IL4R: variants seen among roughly 807,000 people sequenced by gnomAD.
IL4R encodes the protein interleukin 4 receptor, also known as interleukin-4 receptor subunit alpha.
Under a neutral mutation model 41.5 loss-of-function variants are expected in IL4R, and 17 were observed. That is an observed-to-expected ratio of 0.41 (90% CI 0.28 to 0.61). The LOEUF is 0.61. Among genes scored for constraint, IL4R ranks in the 20% least tolerant of loss-of-function variants. IL4R has a pLI of 0.31. For missense variants in IL4R, 974 were observed against 1,043.1 expected (o/e 0.93, Z 0.91); for synonymous variants, 402 against 422.9 (o/e 0.95, Z 0.61).
chr16:27,323,243 G>A (rs1043807949), intron 1 of IL4R, among the ~76,000 whole-genome samples: 1 of 152,204 alleles, frequency 6.6e-6, no homozygotes, highest in Non-Finnish European at 1.5e-5. Context: ...GCTGAGGGCC[G>A]AGCAAATGGT....
At chr16:27,342,404 C>T (rs2085472581) in intron 4 of IL4R, 145 bp downstream of exon 4, 1 of 943,916 alleles carries the variant, frequency 1.1e-6, no homozygotes. Context: ...GGGGAGGTCC[C>T]ATCTCCAGGG....
chr16:27,346,815 C>G (rs994010125), intron 6 of IL4R, among the ~76,000 whole-genome samples, 197 bp downstream of exon 6: 1 of 152,218 alleles, frequency 6.6e-6, no homozygotes, highest in Non-Finnish European at 1.5e-5. Flanking sequence ...CCCCACCCCT[C>G]ACATCAGAGA....
At chr16:27,326,628 T>A (rs1176950851) in intron 1 of IL4R, among the ~76,000 whole-genome samples, 1 of 152,152 alleles carries the variant, frequency 6.6e-6, no homozygotes, top group Admixed American at 6.6e-5. Context: ...ACGGTGCGAC[T>A]GCATTCTAGC....
intron 7 of IL4R, among the ~76,000 whole-genome samples, chr16:27,353,343 G>GAAATA (rs3024618): frequency 0.081 from 12,273 of 151,964 alleles, 562 homozygotes; most frequent in Middle Eastern, 0.11. Context: ...TAAATACAAT[G>GAAATA]AAATAAAATA....
At chr16:27,360,630 C>T (rs1174529269) in intron 9 of IL4R, 136 bp from the exon 10 acceptor site, 1 of 1,053,974 alleles carries the variant, frequency 9.5e-7, no homozygotes. Flanking sequence ...GAATCTGAAG[C>T]TCAGAAAGCG....
At chr16:27,348,446 C>G (rs1038953189) in intron 6 of IL4R, among the ~76,000 whole-genome samples, 1 of 152,188 alleles carries the variant, frequency 6.6e-6, no homozygotes, top group Non-Finnish European at 1.5e-5. Flanking sequence ...ATTTCTAGAT[C>G]TGCCTTCAGG....
At chr16:27,332,866 T>G (rs1461399391) in intron 2 of IL4R, among the ~76,000 whole-genome samples, 6 of 152,090 alleles carry the variant, frequency 3.9e-5, no homozygotes, top group African/African-American at 1.4e-4. Context: ...AGGCTATATT[T>G]TCATTTTTAT....
At chr16:27,344,568 G>A (rs1019159083) in intron 4 of IL4R, among the ~76,000 whole-genome samples, 1 of 152,174 alleles carries the variant, frequency 6.6e-6, no homozygotes, top group Non-Finnish European at 1.5e-5. Context: ...TAGTGCCACC[G>A]GTTCTTCCCT....
chr16:27,347,069 A>C (rs2085673510), intron 6 of IL4R, among the ~76,000 whole-genome samples: 1 of 152,210 alleles, frequency 6.6e-6, no homozygotes, highest in South Asian at 2.1e-4. Flanking sequence ...AATTCCTCTT[A>C]ATGAAGAGAG....
rs145421275 is a variant in IL4R at position 27,363,027 on chromosome 16, C to G, written c.1675C>G (p.Leu559Val). 8.7e-6 allele frequency: 14 copies of G among 1,614,062 alleles called. No homozygotes were observed. The highest frequency in any genetic ancestry group is 8.0e-5 in the African/African-American group (6 of 74,952). The change falls in exon 11 of 11, where the codon CTC (leucine) becomes GTC (valine). Residue 559 changes from leucine to valine, a missense_variant. Physicochemically the swap from Leu to Val is conservative, Grantham distance 32. This residue lies in a region of IL4R where 682 missense variants were observed against 704.3 expected (regional missense o/e 0.97). Coordinates refer to ENST00000395762, the MANE Select transcript of IL4R (RefSeq NM_000418.4). ...GGAGCAGATCCTCCGCCGAAATGTC[C>G]TCCAGCATGGGGCAGCTGCAGCCCC... ...TWEQILRRNV[L>V]QHGAAAAPVS...
At position 27,362,990 on chromosome 16, in the gene IL4R, G is replaced by A; in HGVS notation, c.1638G>A (p.Glu546=). 7 of 1,614,142 alleles carry A rather than the reference G, an allele frequency of 4.3e-6. No homozygotes were observed. The highest frequency in any genetic ancestry group is 1.1e-5 in the South Asian group (1 of 91,084). The change falls in exon 11 of 11, where the codon GAG becomes GAA. Residue 546 remains glutamate (E), a synonymous_variant. Coordinates refer to ENST00000395762, the MANE Select transcript of IL4R (RefSeq NM_000418.4). ...AGCCAACCACTGTGCCCCAACCTGA[G>A]CCAGAAACCTGGGAGCAGATCCTCC... ...LSEPTTVPQP[E]PETWEQILRR...
At chr16:27,343,022 C>T (rs549677074) in intron 4 of IL4R, among the ~76,000 whole-genome samples, 92 of 152,282 alleles carry the variant, frequency 6.0e-4, no homozygotes, top group African/African-American at 2.0e-3. Context: ...TTGAGGAGTA[C>T]GGTGTTGAGA....
At position 27,363,054 on chromosome 16, in the gene IL4R, G is replaced by A. The variant is rs749041212; in HGVS notation, c.1702G>A (p.Val568Ile). The A allele has an allele frequency of 8.7e-6, 14 of 1,614,044 alleles. No homozygotes were observed. The highest frequency in any genetic ancestry group is 6.6e-5 in the South Asian group (6 of 91,092). Residue 568 changes from valine to isoleucine, a missense_variant, in exon 11 of 11, where the codon GTC (valine) becomes ATC (isoleucine). Val to Ile is a conservative substitution (Grantham distance 29). This residue lies in a region of IL4R where 682 missense variants were observed against 704.3 expected (regional missense o/e 0.97). Transcript: ENST00000395762. ...CCAGCATGGGGCAGCTGCAGCCCCC[G>A]TCTCGGCCCCCACCAGTGGCTATCA... ...VLQHGAAAAP[V>I]SAPTSGYQEF...
intron 2 of IL4R, among the ~76,000 whole-genome samples, chr16:27,337,828 A>C (rs1455521438): frequency 2.0e-5 from 3 of 151,232 alleles, no homozygotes; most frequent in Non-Finnish European, 4.4e-5. Context: ...CTGGGATTAC[A>C]GATGTGAGCC....
At chr16:27,313,781 C>G (rs566296906), upstream of IL4R, 2 of 388,168 alleles carry the variant, frequency 5.2e-6, no homozygotes, top group Non-Finnish European at 7.1e-6. Flanking sequence ...CTCGGACTGT[C>G]CGGCGGCGGC....
At chr16:27,343,274 T>C (rs2085503002) in intron 4 of IL4R, among the ~76,000 whole-genome samples, 2 of 152,260 alleles carry the variant, frequency 1.3e-5, no homozygotes, top group South Asian at 2.1e-4. Flanking sequence ...TTTGTTTCCA[T>C]TGGCTTAGTC....
chr16:27,315,784 T>C (rs2084629571), intron 1 of IL4R, among the ~76,000 whole-genome samples: 1 of 152,122 alleles, frequency 6.6e-6, no homozygotes, highest in Admixed American at 6.5e-5. Context: ...GCTTGAGTTG[T>C]AAAAGCAACA....
At chr16:27,314,429 A>C (rs1034355775) in intron 1 of IL4R, among the ~76,000 whole-genome samples, 3 of 152,208 alleles carry the variant, frequency 2.0e-5, no homozygotes, top group Non-Finnish European at 4.4e-5. Context: ...AGTTCTGAGA[A>C]CTGTAAATTT....
In IL4R at chr16:27,362,485, A is replaced by T; in HGVS notation, c.1133A>T (p.Glu378Val). ...GAGTGTGAGGAGGAGGAGGAGGTAG[A>T]GGAAGAAAAAGGGAGCTTCTGTGCA... ...PVECEEEEEV[E>V]EEKGSFCASP... The change falls in exon 11 of 11, where the codon GAG becomes GTG. Residue 378 changes from glutamate to valine, a missense_variant. By Grantham distance (121) the Glu-to-Val change is moderately radical. Coordinates refer to ENST00000395762, the MANE Select transcript of IL4R (RefSeq NM_000418.4). The T allele has an allele frequency of 6.2e-7, 1 of 1,614,106 alleles. No homozygotes were observed. The highest frequency in any genetic ancestry group is 8.5e-7 in the Non-Finnish European group (1 of 1,180,006).
Sources: gnomAD v4.1 joint callset for allele counts (sites outside exome capture counted in the v4.1 genomes callset) on GRCh38, gnomAD v4.1.1 for gene constraint, gnomAD v4.1.1 regional missense constraint, MANE v1.5 for transcripts, NCBI Gene and HGNC (gene_info 2026-07-23, HGNC 2026-07-21) for gene names.